The following PARP4 variants were observed in gnomAD, a reference collection of about 807,000 sequenced individuals.
The protein encoded by PARP4 is poly(ADP-ribose) polymerase family member 4.
Under a neutral mutation model 187.7 loss-of-function variants are expected in PARP4, and 120 were observed. That is an observed-to-expected ratio of 0.64 (90% CI 0.55 to 0.74). The LOEUF is 0.74. PARP4 is among the 30% of genes least tolerant of loss of function. The pLI is 0.00. For missense variants in PARP4, 1,836 were observed against 2,070.5 expected (o/e 0.89, Z 2.20); for synonymous variants, 654 against 740.9 (o/e 0.88, Z 1.90).
At chr13:24,462,619 A>T (rs1872262785) in intron 17 of PARP4, among the ~76,000 whole-genome samples, 1 of 152,254 alleles carries the variant, frequency 6.6e-6, no homozygotes, top group African/African-American at 2.4e-5. Context: ...ACACTGCAAC[A>T]GACAGGACTA....
chr13:24,510,753 G>A (rs1211836310), intron 1 of PARP4, among the ~76,000 whole-genome samples: 1 of 144,270 alleles, frequency 6.9e-6, no homozygotes, highest in Admixed American at 6.7e-5. Flanking sequence ...GTACAGTTCA[G>A]TGGCATTAAG....
In PARP4 at chr13:24,470,004, T is replaced by C; in HGVS notation, c.1936A>G (p.Thr646Ala). Reference protein sequence around the residue: ...VAQVIVFQTYTNKSHVPIEAK... With the variant: ...VAQVIVFQTYANKSHVPIEAK... The stretch of plus-strand genomic sequence containing the variant: ...TCAATGGGCACGTGACTTTTATTTG[T>C]GTATGTCTGAAAAACAATGACCTGA... The change falls in exon 16 of 34, where the codon ACA (threonine) becomes GCA (alanine). Residue 646 changes from threonine to alanine, a missense_variant. By Grantham distance (58) the Thr-to-Ala change is moderately conservative. Around this residue, in one of 8 missense-constraint regions of PARP4, gnomAD observed 1,147 missense variants for 1,214.2 expected, o/e 0.94. Coordinates refer to ENST00000381989, the MANE Select transcript of PARP4 (RefSeq NM_006437.4). 1.2e-6 allele frequency: 2 copies of C among 1,613,584 alleles called. No homozygotes were observed. The highest frequency in any genetic ancestry group is 1.7e-6 in the Non-Finnish European group (2 of 1,179,692).
Position 24,453,462 on chromosome 13 carries a change from C to T in PARP4, c.2826+125G>A, listed in dbSNP as rs573658998. The T allele has an allele frequency of 1.6e-5, 9 of 546,578 alleles. No homozygotes were observed. In the South Asian group the frequency reaches 2.5e-4, roughly 15 times the overall value. The allele number at this position is 546,578 out of a possible 1,614,324, so 33.9% of individuals were successfully genotyped here. A position where few individuals can be genotyped will look rare whatever the true frequency, so the allele number is the denominator to read the frequency against. ...TTTAATTAATGAAATAAAGAGCCCACCAATATACAAAAACCACAGGAGTAG... is the reference window on the plus strand; with the variant it reads ...TTTAATTAATGAAATAAAGAGCCCATCAATATACAAAAACCACAGGAGTAG... On this transcript the variant is annotated intron_variant, in intron 23 of 33. Transcript: ENST00000381989.
intron 17 of PARP4, among the ~76,000 whole-genome samples, chr13:24,465,366 T>C (rs569880071): frequency 2.0e-5 from 3 of 152,268 alleles, no homozygotes; most frequent in Admixed American, 6.5e-5. Context: ...CTATTCACAA[T>C]AGCAAAGACA....
At chr13:24,453,455 G>A in intron 23 of PARP4, 132 bp downstream of exon 23, 1 of 494,996 alleles carries the variant, frequency 2.0e-6, no homozygotes, top group Non-Finnish European at 3.7e-6. Flanking sequence ...ATGAAATAAA[G>A]AGCCCACCAA....
chr13:24,468,265 G>T (rs932170180), intron 17 of PARP4, among the ~76,000 whole-genome samples: 21 of 152,178 alleles, frequency 1.4e-4, no homozygotes, highest in African/African-American at 5.1e-4. Flanking sequence ...TCCACGTCAC[G>T]TCCCTGCTAA....
chr13:24,437,627 TAAAG>T (rs1265263090), intron 30 of PARP4, among the ~76,000 whole-genome samples: 3 of 152,134 alleles, frequency 2.0e-5, no homozygotes, highest in East Asian at 1.9e-4. Context: ...TCTTCATTCA[TAAAG>T]AAACAAAAAC....
chr13:24,486,058 T>C, intron 11 of PARP4, 110 bp downstream of exon 11: 1 of 916,950 alleles, frequency 1.1e-6, no homozygotes, highest in Non-Finnish European at 1.6e-6. Flanking sequence ...AGCTAGCTGA[T>C]TTTAACTGAA....
chr13:24,497,979 G>T, intron 6 of PARP4, 137 bp downstream of exon 6: 1 of 581,252 alleles, frequency 1.7e-6, no homozygotes, highest in Non-Finnish European at 3.1e-6. Flanking sequence ...AAGCTCCCTA[G>T]CCTGTTGCAT....
intron 17 of PARP4, among the ~76,000 whole-genome samples, chr13:24,466,066 A>G (rs1255181622): frequency 6.6e-6 from 1 of 152,260 alleles, no homozygotes; most frequent in East Asian, 1.9e-4. Context: ...AAGTAATAAG[A>G]TAGCCACTGG....
In PARP4 at chr13:24,470,088, G is replaced by A. The variant is rs1012337034; in HGVS notation, c.1915-63C>T. 4.8e-6 allele frequency: 7 copies of A among 1,445,298 alleles called. No individual in the cohort carries two copies. In the Admixed American group the frequency reaches 8.5e-5, roughly 18 times the overall value. 89.5% of individuals were successfully genotyped at this position (1,445,298 alleles called of 1,614,324 possible). On this transcript the variant is annotated intron_variant, in intron 15 of 33. Transcript: ENST00000381989. ...ACATGGACTACATTTGCAGGAACAA[G>A]GACGAACGAAAATGATTTTGCATAT... is the stretch of plus-strand genomic sequence containing the variant.
chr13:24,474,084 C>A (rs1427341842), intron 15 of PARP4, among the ~76,000 whole-genome samples: 1 of 152,190 alleles, frequency 6.6e-6, no homozygotes, highest in African/African-American at 2.4e-5. Flanking sequence ...TGATGGCCCC[C>A]AACCTGCCCT....
chr13:24,506,309 C>T (rs572703412), intron 1 of PARP4, among the ~76,000 whole-genome samples: 1 of 152,178 alleles, frequency 6.6e-6, no homozygotes, highest in South Asian at 2.1e-4. Flanking sequence ...CAGACCTCCG[C>T]GATTTAAAGG....
At position 24,446,605 on chromosome 13, in the gene PARP4, CAT is replaced by C. The variant is rs1229193237; in HGVS notation, c.3366+74_3366+75del. On this transcript the variant is annotated intron_variant, in intron 27 of 33. Transcript: ENST00000381989. The stretch of plus-strand genomic sequence containing the variant: ...TGGGCCGTGGGTTGGACAAGCTTGA[CAT>C]AGAGCATTATATATGGAAATATAAA... The C allele has an allele frequency of 4.0e-6, 4 of 997,596 alleles. No individual in the cohort carries two copies. In the Admixed American group the frequency reaches 7.4e-5, roughly 18 times the overall value. 61.8% of individuals were successfully genotyped at this position (997,596 alleles called of 1,614,324 possible). A position where few individuals can be genotyped will look rare whatever the true frequency, so the allele number is the denominator to read the frequency against.
At chr13:24,507,189 A>C (rs1446964984) in intron 1 of PARP4, among the ~76,000 whole-genome samples, 1 of 152,216 alleles carries the variant, frequency 6.6e-6, no homozygotes, top group East Asian at 1.9e-4. Context: ...TGCGCCTGCA[A>C]GCTGAAGGAG....
chr13:24,464,587 C>A (rs541585975), intron 17 of PARP4, among the ~76,000 whole-genome samples: 1 of 152,238 alleles, frequency 6.6e-6, no homozygotes, highest in African/African-American at 2.4e-5. Context: ...GGAAAACTGG[C>A]TAGCCATATG....
chr13:24,424,794 C>T (rs1869935178), intron 33 of PARP4, among the ~76,000 whole-genome samples: 1 of 151,462 alleles, frequency 6.6e-6, no homozygotes, highest in Non-Finnish European at 1.5e-5. Context: ...GCCTCAGCCT[C>T]CCCAGTACCT....
At chr13:24,506,397 G>A (rs890935562) in intron 1 of PARP4, among the ~76,000 whole-genome samples, 1 of 152,128 alleles carries the variant, frequency 6.6e-6, no homozygotes, top group African/African-American at 2.4e-5. Context: ...GCGTGGAAGA[G>A]GACCCCAGCA....
chr13:24,449,876 G>T, intron 24 of PARP4, 59 bp from the exon 25 acceptor site: 2 of 1,034,268 alleles, frequency 1.9e-6, no homozygotes, highest in Non-Finnish European at 3.0e-6. Context: ...TGAAGTACAT[G>T]TTAACAGTGT....
Sources: gnomAD v4.1 joint callset for allele counts (sites outside exome capture counted in the v4.1 genomes callset) on GRCh38, gnomAD v4.1.1 for gene constraint, gnomAD v4.1.1 regional missense constraint, MANE v1.5 for transcripts, NCBI Gene and HGNC (gene_info 2026-07-23, HGNC 2026-07-21) for gene names.